Variants in PTPRD observed in about 807,000 individuals in gnomAD.
PTPRD encodes receptor-type tyrosine-protein phosphatase delta.
In PTPRD, 34 loss-of-function variants were observed where a neutral mutation model predicts 214.5. The ratio of observed to expected loss-of-function variants is 0.16; its 90% CI spans 0.12 to 0.21. The LOEUF is 0.21. Among genes scored for constraint, PTPRD ranks in the 10% least tolerant of loss-of-function variants. PTPRD has a pLI of 1.00. For synonymous variants in PTPRD, 1,128 were observed against 845.7 expected (o/e 1.33, Z -5.79); for missense variants, 2,545 against 2,398.7 (o/e 1.06, Z -1.27).
At chr9:9,257,917 C>G (rs1042593765) in intron 9 of PTPRD, among the ~76,000 whole-genome samples, 4 of 151,896 alleles carry the variant, frequency 2.6e-5, no homozygotes, top group African/African-American at 9.7e-5. Flanking sequence ...CCTGTATTGG[C>G]AAAAATCACA....
At chr9:10,461,611 G>C (rs1417985708) in intron 2 of PTPRD, among the ~76,000 whole-genome samples, 1 of 150,884 alleles carries the variant, frequency 6.6e-6, no homozygotes, top group Non-Finnish European at 1.5e-5. Context: ...GATCTTCCTT[G>C]CATGACATTC....
chr9:8,609,314 G>GCA (rs1195922995), intron 14 of PTPRD, among the ~76,000 whole-genome samples: 1 of 152,206 alleles, frequency 6.6e-6, no homozygotes, highest in Non-Finnish European at 1.5e-5. Flanking sequence ...ATAAAGGGCA[G>GCA]CAGCACAGAG....
chr9:10,244,958 CTT>C (rs1260341207), intron 3 of PTPRD, among the ~76,000 whole-genome samples: 1 of 152,066 alleles, frequency 6.6e-6, no homozygotes, highest in East Asian at 1.9e-4. Flanking sequence ...CTGGAAAACT[CTT>C]CTCATTTTCC....
At chr9:9,611,446 G>C (rs1411186844) in intron 7 of PTPRD, among the ~76,000 whole-genome samples, 2 of 151,884 alleles carry the variant, frequency 1.3e-5, no homozygotes, top group Non-Finnish European at 2.9e-5. Flanking sequence ...ATTACTGATA[G>C]TGCTGAATAT....
In PTPRD at chr9:8,600,965, G is replaced by A. The variant is rs142987260; in HGVS notation, c.352+32352C>T. 8.6e-4 allele frequency among the ~76,000 whole-genome samples: 131 copies of A among 152,084 alleles called. No individual in the cohort carries two copies. The East Asian group carries it at 0.011, about 12-fold the overall frequency. ...GGGTAAAGCACCAGGCAGGCTCTCCGGGTCCCCAGCATCCTGGATGGCATT... is the reference window on the plus strand; with the variant it reads ...GGGTAAAGCACCAGGCAGGCTCTCCAGGTCCCCAGCATCCTGGATGGCATT... On this transcript the variant is annotated intron_variant, in intron 14 of 45. Transcript: ENST00000381196.
At chr9:8,578,444 C>A (rs184003025) in intron 14 of PTPRD, among the ~76,000 whole-genome samples, 77 of 152,206 alleles carry the variant, frequency 5.1e-4, no homozygotes, top group African/African-American at 1.8e-3. Context: ...ATATTAAAAG[C>A]TGTAATACTA....
intron 10 of PTPRD, among the ~76,000 whole-genome samples, chr9:9,076,452 T>C (rs1384145785): frequency 1.3e-5 from 2 of 152,004 alleles, no homozygotes; most frequent in Admixed American, 6.6e-5. Flanking sequence ...CCCTGTCTAG[T>C]ACTCCTCCCA....
intron 5 of PTPRD, among the ~76,000 whole-genome samples, chr9:9,772,974 A>T (rs1421846148): frequency 6.6e-6 from 1 of 152,170 alleles, no homozygotes; most frequent in Non-Finnish European, 1.5e-5. Flanking sequence ...TAAAAAAGGA[A>T]ATAAGCTAAA....
chr9:10,348,903 T>C (rs2097135073), intron 2 of PTPRD, among the ~76,000 whole-genome samples: 1 of 152,022 alleles, frequency 6.6e-6, no homozygotes, highest in South Asian at 2.1e-4. Context: ...AGTAAACTCC[T>C]TGTGTGCCCC....
At chr9:10,486,646 T>C (rs1463601052) in intron 2 of PTPRD, among the ~76,000 whole-genome samples, 1 of 152,228 alleles carries the variant, frequency 6.6e-6, no homozygotes, top group Non-Finnish European at 1.5e-5. Flanking sequence ...TTTCTAGTTT[T>C]ACTCCATTGT....
At chr9:10,078,220 A>G (rs1397907665) in intron 3 of PTPRD, among the ~76,000 whole-genome samples, 1 of 151,914 alleles carries the variant, frequency 6.6e-6, no homozygotes, top group African/African-American at 2.4e-5. Flanking sequence ...GGTTAGAAAG[A>G]ACCCACCTAG....
At chr9:8,800,711 A>G (rs967527206) in intron 11 of PTPRD, among the ~76,000 whole-genome samples, 4 of 152,184 alleles carry the variant, frequency 2.6e-5, no homozygotes, top group Non-Finnish European at 5.9e-5. Context: ...TGGAGTAGCC[A>G]TTCTTTTATT....
At chr9:8,523,156 A>G (rs2097923869) in intron 19 of PTPRD, among the ~76,000 whole-genome samples, 1 of 152,154 alleles carries the variant, frequency 6.6e-6, no homozygotes, top group Non-Finnish European at 1.5e-5. Flanking sequence ...TAGGGGAGAA[A>G]CTAGAAAAAG....
chr9:9,380,207 C>T (rs940697654), intron 9 of PTPRD, among the ~76,000 whole-genome samples: 2 of 152,034 alleles, frequency 1.3e-5, no homozygotes, highest in Non-Finnish European at 2.9e-5. Context: ...GAGTTTTAAT[C>T]ATGCTAGACA....
chr9:8,428,257 T>G (rs919164600), intron 35 of PTPRD, among the ~76,000 whole-genome samples: 1 of 152,146 alleles, frequency 6.6e-6, no homozygotes, highest in African/African-American at 2.4e-5. Flanking sequence ...GCCATGTTCG[T>G]AAGGAATTGG....
At chr9:9,306,160 G>C (rs1322886365) in intron 9 of PTPRD, among the ~76,000 whole-genome samples, 1 of 152,082 alleles carries the variant, frequency 6.6e-6, no homozygotes, top group African/African-American at 2.4e-5. Flanking sequence ...AATTCTATGA[G>C]TAAAAACATG....
intron 5 of PTPRD, among the ~76,000 whole-genome samples, chr9:9,801,657 C>T (rs1215480932): frequency 6.6e-6 from 1 of 151,934 alleles, no homozygotes; most frequent in East Asian, 1.9e-4. Context: ...ACTGATTGGT[C>T]AATAATTGTT....
chr9:8,402,324 G>C (rs894833301), intron 36 of PTPRD, among the ~76,000 whole-genome samples: 1 of 152,116 alleles, frequency 6.6e-6, no homozygotes, highest in Admixed American at 6.5e-5. Context: ...GGAACGAAAT[G>C]TGCATAGTTT....
chr9:9,622,942 A>G (rs2095296970), intron 7 of PTPRD, among the ~76,000 whole-genome samples: 1 of 152,146 alleles, frequency 6.6e-6, no homozygotes, highest in South Asian at 2.1e-4. Context: ...CATCATTGAG[A>G]TAGGTTACCT....
Sources: gnomAD v4.1 joint callset for allele counts (sites outside exome capture counted in the v4.1 genomes callset) on GRCh38, gnomAD v4.1.1 for gene constraint, MANE v1.5 for transcripts, NCBI Gene and HGNC (gene_info 2026-07-23, HGNC 2026-07-21) for gene names.